The following GRID1 variants were observed in gnomAD, a reference collection of about 807,000 sequenced individuals.
The protein encoded by GRID1 is glutamate receptor ionotropic, delta-1.
GRID1 carries 28 observed loss-of-function variants against 98.0 expected under a neutral mutation model. The ratio of observed to expected loss-of-function variants is 0.29; its 90% CI spans 0.21 to 0.39. GRID1 has a LOEUF of 0.39. Among genes scored for constraint, GRID1 ranks in the 10% least tolerant of loss-of-function variants. GRID1 has a pLI of 1.00. For missense variants in GRID1, 1,111 were observed against 1,340.5 expected, an observed-to-expected ratio of 0.83 and a Z score of 2.67; for synonymous variants, 553 against 538.5, an observed-to-expected ratio of 1.03 and a Z score of -0.37.
At chr10:86,285,681 G>A (rs1305034648) in intron 2 of GRID1, among the ~76,000 whole-genome samples, 6 of 152,212 alleles carry the variant, frequency 3.9e-5, no homozygotes, top group Admixed American at 3.9e-4. Flanking sequence ...AGCTGTAGGT[G>A]CTGGTGTTGG....
intron 4 of GRID1, among the ~76,000 whole-genome samples, chr10:86,058,974 G>A (rs552724801): frequency 2.7e-4 from 41 of 152,362 alleles, no homozygotes; most frequent in African/African-American, 9.9e-4. Context: ...CTGGGCAGCA[G>A]ATGGAGTTTG....
At chr10:86,229,727 G>C (rs1275130491) in intron 2 of GRID1, among the ~76,000 whole-genome samples, 1 of 152,192 alleles carries the variant, frequency 6.6e-6, no homozygotes, top group East Asian at 1.9e-4. Context: ...AGGGCAGACA[G>C]CCGGGCGTGC....
In GRID1 at chr10:86,347,474, A is replaced by G. The variant is rs139781826; in HGVS notation, c.235+16467T>C. ...CGGGGAGGAAGTGATTCAGCCCCATACCAGCCCAGTGAGCTGAAGTCCTGG... is the reference window on the plus strand; with the variant it reads ...CGGGGAGGAAGTGATTCAGCCCCATGCCAGCCCAGTGAGCTGAAGTCCTGG... On this transcript the variant is annotated intron_variant, in intron 2 of 15. Transcript: ENST00000327946. 3.6e-3 allele frequency among the ~76,000 whole-genome samples: 548 copies of G among 152,280 alleles called. 2 individuals are homozygous for G. The highest frequency in any genetic ancestry group is 0.013 in the African/African-American group (527 of 41,558).
intron 2 of GRID1, among the ~76,000 whole-genome samples, chr10:86,264,135 C>T (rs1847065909): frequency 6.6e-6 from 1 of 152,032 alleles, no homozygotes; most frequent in Non-Finnish European, 1.5e-5. Context: ...TGCTGGGCAC[C>T]CTCCTCTCCC....
At chr10:86,349,721 C>T (rs1052650028) in intron 2 of GRID1, among the ~76,000 whole-genome samples, 1 of 152,158 alleles carries the variant, frequency 6.6e-6, no homozygotes, top group African/African-American at 2.4e-5. Flanking sequence ...GAAAGAACAC[C>T]GGACAAGGAG....
At chr10:85,999,858 C>A (rs981910648) in intron 4 of GRID1, among the ~76,000 whole-genome samples, 7 of 152,280 alleles carry the variant, frequency 4.6e-5, no homozygotes, top group African/African-American at 1.4e-4. Context: ...AAACCTATGT[C>A]TAACATTATA....
chr10:85,697,261 A>C (rs1841404574), intron 12 of GRID1, among the ~76,000 whole-genome samples: 1 of 150,904 alleles, frequency 6.6e-6, no homozygotes, highest in African/African-American at 2.4e-5. Flanking sequence ...TTATTCCACT[A>C]GATTTGTCAG....
chr10:85,720,077 C>T lies in GRID1; in HGVS notation c.1997+2926G>A, dbSNP rs148675611. Among the ~76,000 whole-genome samples, 254 of 152,074 alleles carry T rather than the reference C, an allele frequency of 1.7e-3. 2 individuals are homozygous for T. The highest frequency in any genetic ancestry group is 5.7e-3 in the African/African-American group (236 of 41,484). On this transcript the variant is annotated intron_variant, in intron 12 of 15. Coordinates refer to ENST00000327946, the MANE Select transcript of GRID1 (RefSeq NM_017551.3). ...TAAATAAATAAACTTAGCAAAAGATCAGGATAATAGTAAATGGTTACTTGC... is the reference window on the plus strand; with the variant it reads ...TAAATAAATAAACTTAGCAAAAGATTAGGATAATAGTAAATGGTTACTTGC...
At chr10:86,142,734 G>A (rs1845027657) in intron 3 of GRID1, among the ~76,000 whole-genome samples, 2 of 152,358 alleles carry the variant, frequency 1.3e-5, no homozygotes, top group East Asian at 3.9e-4. Context: ...ATGAGTCCAT[G>A]AGTATGGTAG....
At chr10:85,788,248 T>A (rs1318276061) in intron 8 of GRID1, among the ~76,000 whole-genome samples, 1 of 151,976 alleles carries the variant, frequency 6.6e-6, no homozygotes, top group African/African-American at 2.4e-5. Context: ...GGGAGAAACT[T>A]TTCTTATAAA....
chr10:86,338,587 T>G (rs1848263737), intron 2 of GRID1, among the ~76,000 whole-genome samples: 1 of 152,130 alleles, frequency 6.6e-6, no homozygotes, highest in African/African-American at 2.4e-5. Context: ...GGGGGGAGTC[T>G]CGCTCTATCC....
chr10:86,075,912 G>C (rs1843875078), intron 4 of GRID1, among the ~76,000 whole-genome samples: 1 of 152,236 alleles, frequency 6.6e-6, no homozygotes, highest in Admixed American at 6.5e-5. Flanking sequence ...CGAATGGCTG[G>C]TGTCTTGACT....
Position 86,366,482 on chromosome 10 carries a change from G to A in GRID1, c.-90C>T, listed in dbSNP as rs1451075790. 2.4e-6 allele frequency: 2 copies of A among 822,958 alleles called. No individual in the cohort carries two copies. Among genetic ancestry groups the A allele is most frequent in the African/African-American group, 1.8e-5 (1 of 54,764 alleles). 51.0% of individuals were successfully genotyped at this position (822,958 alleles called of 1,614,324 possible). A position where few individuals can be genotyped will look rare whatever the true frequency, so the allele number is the denominator to read the frequency against. On this transcript the variant is annotated 5_prime_UTR_variant, in exon 1 of 16. Transcript: ENST00000327946. The surrounding 1 kb of genome is among the most constrained non-coding windows in gnomAD (Gnocchi z 4.1). ...GAGGCGCTGGTCCCGGTGCAGTCCC[G>A]GGCCGCTCCCCGGGAGAGCCGAGCC... is the stretch of plus-strand genomic sequence containing the variant.
intron 8 of GRID1, among the ~76,000 whole-genome samples, chr10:85,802,025 G>C (rs1842581106): frequency 6.6e-6 from 1 of 151,938 alleles, no homozygotes; most frequent in Non-Finnish European, 1.5e-5. Flanking sequence ...ATTTACAATA[G>C]CAAATAAATC....
chr10:85,779,920 AG>A (rs1219218216), intron 8 of GRID1, among the ~76,000 whole-genome samples: 2 of 152,162 alleles, frequency 1.3e-5, no homozygotes, highest in Non-Finnish European at 2.9e-5. Context: ...TTTGCATGCT[AG>A]CAGAGTCTGT....
intron 12 of GRID1, among the ~76,000 whole-genome samples, chr10:85,692,498 T>TA (rs1378679890): frequency 1.3e-5 from 2 of 151,280 alleles, no homozygotes; most frequent in Non-Finnish European, 3.0e-5. Context: ...CTCATCTCTA[T>TA]AAAAAAATGC....
chr10:85,959,022 TTGTC>T (rs1047585615), intron 4 of GRID1, among the ~76,000 whole-genome samples: 7 of 152,090 alleles, frequency 4.6e-5, no homozygotes, highest in Non-Finnish European at 1.0e-4. Flanking sequence ...AGCGGGAACT[TTGTC>T]TGCCTGACTG....
chr10:85,614,722 A>G (rs1400660309), intron 14 of GRID1, among the ~76,000 whole-genome samples: 1 of 152,212 alleles, frequency 6.6e-6, no homozygotes, highest in African/African-American at 2.4e-5. Context: ...AAGAAGGCAG[A>G]GCCCAGAACA....
At chr10:85,957,862 T>G (rs1005680864) in intron 4 of GRID1, among the ~76,000 whole-genome samples, 1 of 152,142 alleles carries the variant, frequency 6.6e-6, no homozygotes, top group Non-Finnish European at 1.5e-5. Context: ...CTCCTCAGGG[T>G]GAACGTGACA....
Sources: gnomAD v4.1 joint callset for allele counts (sites outside exome capture counted in the v4.1 genomes callset) on GRCh38, gnomAD v4.1.1 for gene constraint, Gnocchi (gnomAD v3.1) non-coding constraint, MANE v1.5 for transcripts, NCBI Gene and HGNC (gene_info 2026-07-23, HGNC 2026-07-21) for gene names.